IL17RE: variants seen among roughly 807,000 people sequenced by gnomAD.
IL17RE encodes interleukin-17 receptor E.
Under a neutral mutation model 70.7 loss-of-function variants are expected in IL17RE, and 47 were observed. That is an observed-to-expected ratio of 0.67 (90% CI 0.53 to 0.85). The LOEUF (loss-of-function observed/expected upper bound fraction) is 0.85, where lower values mean the gene tolerates loss of function less well. Among genes scored for constraint, IL17RE ranks in the 40% least tolerant of loss-of-function variants. The pLI, the probability that IL17RE is intolerant of heterozygous loss-of-function variation, is 0.00. For missense variants in IL17RE, 850 were observed against 893.9 expected (o/e 0.95, Z 0.63); for synonymous variants, 372 against 381.2 (o/e 0.98, Z 0.28).
chr3:9,915,613 C>T lies in IL17RE; in HGVS notation c.1810C>T (p.Pro604Ser). 7.1e-7 allele frequency: 1 copy of T among 1,417,274 alleles called. No homozygotes were observed. The highest frequency in any genetic ancestry group is 1.4e-5 in the South Asian group (1 of 69,002). 87.8% of individuals were successfully genotyped at this position (1,417,274 alleles called of 1,614,324 possible). ...TCGCCTCTGCGCCAAGGGCGACATC[C>T]CCCCGCCGCTGCGCGCCCTGCCGCG... ...FSRLCAKGDI[P>S]PPLRALPRYR... Residue 604 changes from proline to serine, a missense_variant, in exon 16 of 16, where the codon CCC becomes TCC. By Grantham distance (74) the Pro-to-Ser change is moderately conservative. Transcript: ENST00000383814. The surrounding 1 kb of genome is among the most constrained non-coding windows in gnomAD (Gnocchi z 4.9).
rs906231425 is a variant in IL17RE at position 9,911,287 on chromosome 3, C to T, written c.1059C>T (p.Cys353=). Residue 353 remains cysteine (C), a synonymous_variant, in exon 11 of 16, where the codon TGC becomes TGT. Transcript: ENST00000383814. The stretch of plus-strand genomic sequence containing the variant: ...TTGGAAACAGCAGCCATGTTGAATG[C>T]CCCCACCAGACTGGTGAGTCAATAA... ...FSFGNSSHVE[C]PHQTGSLTSW... 21 of 1,614,034 alleles carry T rather than the reference C, an allele frequency of 1.3e-5. No individual in the cohort carries two copies. Among genetic ancestry groups the T allele is most frequent in the Non-Finnish European group, 1.8e-5 (21 of 1,180,014 alleles).
rs893663390 is a variant in IL17RE, at chr3:9,916,118, G to T, written c.*311G>T. On this transcript the variant is annotated 3_prime_UTR_variant, in exon 16 of 16. Coordinates refer to ENST00000383814, the MANE Select transcript of IL17RE (RefSeq NM_153480.2). The stretch of plus-strand genomic sequence containing the variant: ...TTATGCTTCAGTCCAGGCTGGAGAG[G>T]TTGGGGCCGGGGTAGGGAGGCAGGA... 1 of 289,452 alleles carries T rather than the reference G, an allele frequency of 3.5e-6. No homozygotes were observed. Among genetic ancestry groups the T allele is most frequent in the East Asian group, 6.0e-5 (1 of 16,588 alleles). The allele number at this position is 289,452 out of a possible 1,614,324, so 17.9% of individuals were successfully genotyped here.
At chr3:9,907,242 T>G (rs551147884) in intron 6 of IL17RE, 142 bp downstream of exon 6, 4 of 1,125,790 alleles carry the variant, frequency 3.6e-6, no homozygotes, top group Non-Finnish European at 5.1e-6. Context: ...GGGTCTATCA[T>G]TAAGACTTCT....
At chr3:9,909,383 T>A in intron 8 of IL17RE, 100 bp downstream of exon 8, 4 of 1,067,474 alleles carry the variant, frequency 3.7e-6, no homozygotes, top group Non-Finnish European at 5.6e-6. Flanking sequence ...ACCCCGCACT[T>A]CACACATGTG....
Position 9,916,087 on chromosome 3 carries a change from G to A in IL17RE, c.*280G>A. ...CCTCTCCAGAACTCCAGAAAGAGCAGTGTGCTTATGCTTCAGTCCAGGCTG... is the reference window on the plus strand; with the variant it reads ...CCTCTCCAGAACTCCAGAAAGAGCAATGTGCTTATGCTTCAGTCCAGGCTG... On this transcript the variant is annotated 3_prime_UTR_variant, in exon 16 of 16. Transcript: ENST00000383814. 2.6e-6 allele frequency: 1 copy of A among 388,240 alleles called. No homozygotes were observed. Among genetic ancestry groups the A allele is most frequent in the Non-Finnish European group, 4.4e-6 (1 of 226,466 alleles). The allele number at this position is 388,240 out of a possible 1,614,324, so 24.0% of individuals were successfully genotyped here. A position where few individuals can be genotyped will look rare whatever the true frequency, so the allele number is the denominator to read the frequency against.
At chr3:9,909,078 GC>G (rs2082827274) in intron 7 of IL17RE, 138 bp from the exon 8 acceptor site, 5 of 609,108 alleles carry the variant, frequency 8.2e-6, no homozygotes, top group South Asian at 3.9e-5. Flanking sequence ...ACCCCACATT[GC>G]CCCCTCCTGC....
Position 9,909,256 on chromosome 3 carries a change from TGTC to T in IL17RE, c.776_778del (p.Cys259_Pro260delinsSer). 1 of 1,614,038 alleles carries T rather than the reference TGTC, an allele frequency of 6.2e-7. No homozygotes were observed. The highest frequency in any genetic ancestry group is 8.5e-7 in the Non-Finnish European group (1 of 1,179,996). On this transcript the variant is annotated inframe_deletion, in exon 8 of 16. Transcript: ENST00000383814. ...AGAGGACACTGTGAGGCGCAAAAAA[TGTC>T]CCTTCCAGAGCTGGCCAGAAGCCTG...
chr3:9,909,037 T>A (rs1269163234), intron 7 of IL17RE, among the ~76,000 whole-genome samples, 180 bp from the exon 8 acceptor site: 3 of 152,162 alleles, frequency 2.0e-5, no homozygotes, highest in Non-Finnish European at 4.4e-5. Flanking sequence ...CCCTCTCCTA[T>A]GCTCTGGAGT....
At chr3:9,911,359 G>C (rs537041240) in intron 11 of IL17RE, 59 bp downstream of exon 11, 1 of 1,613,090 alleles carries the variant, frequency 6.2e-7, no homozygotes, top group East Asian at 2.2e-5. Flanking sequence ...TCACCCAACT[G>C]TAACCAAGCT....
intron 12 of IL17RE, among the ~76,000 whole-genome samples, chr3:9,913,191 G>A (rs529834984): frequency 1.3e-3 from 198 of 152,254 alleles, no homozygotes; most frequent in African/African-American, 4.3e-3. Flanking sequence ...GATCACCTGA[G>A]GTCAGGAGTT....
intron 7 of IL17RE, among the ~76,000 whole-genome samples, chr3:9,908,865 C>A (rs73814305): frequency 0.013 from 1,999 of 152,268 alleles, 33 homozygotes; most frequent in African/African-American, 0.046. Flanking sequence ...GGCATGTGGG[C>A]ATTCCAGAGT....
chr3:9,911,110 C>A lies in IL17RE; in HGVS notation c.979-17C>A. The A allele has an allele frequency of 6.2e-7, 1 of 1,614,010 alleles. No individual in the cohort carries two copies. On this transcript the variant is annotated splice_polypyrimidine_tract_variant and intron_variant, in intron 9 of 15. Coordinates refer to ENST00000383814, the MANE Select transcript of IL17RE (RefSeq NM_153480.2). Reference sequence around the variant, plus strand: ...CCAGGAATTTTCTCCCTGATGAACTCTCCTCTCCTCCCACAGTGGTATGTT... The same window carrying A: ...CCAGGAATTTTCTCCCTGATGAACTATCCTCTCCTCCCACAGTGGTATGTT...
chr3:9,903,926 G>A, intron 2 of IL17RE, 106 bp from the exon 3 acceptor site: 2 of 1,399,298 alleles, frequency 1.4e-6, no homozygotes, highest in Non-Finnish European at 2.0e-6. Context: ...AACCCCCAAA[G>A]TCATACTTCC....
chr3:9,911,646 A>G, intron 12 of IL17RE, 49 bp downstream of exon 12: 4 of 1,551,428 alleles, frequency 2.6e-6, no homozygotes, highest in Non-Finnish European at 3.5e-6. Flanking sequence ...ACAGCCCTCA[A>G]TTTCCTTGTG....
In IL17RE at chr3:9,903,585, G is replaced by A. The variant is rs142063029; in HGVS notation, c.148+173G>A. Among the ~76,000 whole-genome samples the A allele has an allele frequency of 1.1e-4, 16 of 152,278 alleles. No individual in the cohort carries two copies. The East Asian group carries it at 2.7e-3, about 26-fold the overall frequency. ...CACATTGCAGTTCTGCCAGACTCCC[G>A]TGTGGCCTCAGACTGTGCACCTAAC... On this transcript the variant is annotated intron_variant, in intron 2 of 15. Coordinates refer to ENST00000383814, the MANE Select transcript of IL17RE (RefSeq NM_153480.2).
In IL17RE at chr3:9,914,730, C is replaced by A. The variant is rs189832357; in HGVS notation, c.1400C>A (p.Thr467Asn). 1 of 1,614,102 alleles carries A rather than the reference C, an allele frequency of 6.2e-7. No individual in the cohort carries two copies. Among genetic ancestry groups the A allele is most frequent in the East Asian group, 2.2e-5 (1 of 44,888 alleles). The change falls in exon 15 of 16, where the codon ACC becomes AAC. Residue 467 changes from threonine to asparagine, a missense_variant. Physicochemically the swap from Thr to Asn is moderately conservative, Grantham distance 65. Transcript: ENST00000383814. ...LLILALLALLTLLGVVLALTC... is the reference protein window; with the variant it reads ...LLILALLALLNLLGVVLALTC... ...ATCCTGGCACTGCTGGCCCTCCTCA[C>A]CCTACTGGGTGTTGTTCTGGCCCTC...
Position 9,910,918 on chromosome 3 carries a change from C to G in IL17RE, c.856C>G (p.Gln286Glu). Residue 286 changes from glutamine (Q) to glutamate (E), a missense_variant, in exon 9 of 16, where the codon CAG becomes GAG. Coordinates refer to ENST00000383814, the MANE Select transcript of IL17RE (RefSeq NM_153480.2). ...CTTCACTGACTACAGCCAGCACACTCAGATGGTCATGGCCCTGACACTCCG... is the reference window on the plus strand; with the variant it reads ...CTTCACTGACTACAGCCAGCACACTGAGATGGTCATGGCCCTGACACTCCG... ...VHFTDYSQHTQMVMALTLRCP... is the reference protein window; with the variant it reads ...VHFTDYSQHTEMVMALTLRCP... The G allele has an allele frequency of 6.2e-7, 1 of 1,614,210 alleles. No homozygotes were observed. Among genetic ancestry groups the G allele is most frequent in the Non-Finnish European group, 8.5e-7 (1 of 1,180,034 alleles).
At chr3:9,913,677 C>A (rs2082945050) in intron 12 of IL17RE, among the ~76,000 whole-genome samples, 1 of 152,324 alleles carries the variant, frequency 6.6e-6, no homozygotes, top group Non-Finnish European at 1.5e-5. Flanking sequence ...AGGACACAGA[C>A]AATGTCCGCA....
At chr3:9,903,506 C>A (rs1469903965) in intron 2 of IL17RE, 94 bp downstream of exon 2, 9 of 1,384,296 alleles carry the variant, frequency 6.5e-6, no homozygotes, top group Non-Finnish European at 9.2e-6. Flanking sequence ...AGTTCCCAAC[C>A]CGGGAAGTAG....
Sources: allele counts gnomAD v4.1 joint callset (sites outside exome capture counted in the v4.1 genomes callset), GRCh38; gene constraint gnomAD v4.1.1; non-coding constraint Gnocchi (gnomAD v3.1); transcripts MANE v1.5; gene names NCBI Gene and HGNC (gene_info 2026-07-23, HGNC 2026-07-21).